Variants in ERAP2 observed in about 807,000 individuals in gnomAD.
ERAP2 encodes the protein leukocyte-derived arginine aminopeptidase.
A neutral mutation model predicts 111.1 loss-of-function variants in ERAP2; 118 were observed. The ratio of observed to expected loss-of-function variants is 1.06; its 90% CI spans 0.92 to 1.24. ERAP2 has a LOEUF of 1.24. Ranked by LOEUF, ERAP2 falls within the 50% of genes most tolerant of loss-of-function variation. The pLI is 0.00. For synonymous variants in ERAP2, 410 were observed against 401.2 expected (o/e 1.02, Z -0.26); for missense variants, 1,131 against 1,125.8 (o/e 1.00, Z -0.07).
chr5:96,892,448 C>CACCAGGTACTTGGCA lies in ERAP2; in HGVS notation c.1121_1125+10dup. The CACCAGGTACTTGGCA allele has an allele frequency of 6.2e-7, 1 of 1,613,816 alleles. No homozygotes were observed. Among genetic ancestry groups the CACCAGGTACTTGGCA allele is most frequent in the Non-Finnish European group, 8.5e-7 (1 of 1,179,828 alleles). ...CAGAGTCATAGCCCATGAACTGGCG[C>CACCAGGTACTTGGCA]ACCAGGTACTTGGCACTCATGACAT... On this transcript the variant is annotated inframe_insertion, in exon 6 of 19. Coordinates refer to ENST00000437043, the MANE Select transcript of ERAP2 (RefSeq NM_022350.5).
At chr5:96,887,101 A>ATATG (rs1491520525) in intron 4 of ERAP2, among the ~76,000 whole-genome samples, 1 of 21,566 alleles carries the variant, frequency 4.6e-5, no homozygotes, top group Non-Finnish European at 9.6e-5. Flanking sequence ...ATATATATAT[A>ATATG]CACACACACA....
At chr5:96,888,956 A>C (rs1433541267) in intron 4 of ERAP2, among the ~76,000 whole-genome samples, 1 of 152,216 alleles carries the variant, frequency 6.6e-6, no homozygotes, top group Non-Finnish European at 1.5e-5. Context: ...ACAGATGAGC[A>C]CTGAGGAAAT....
chr5:96,902,889 G>C (rs891987612), intron 12 of ERAP2: 1 of 154,368 alleles, frequency 6.5e-6, no homozygotes, highest in African/African-American at 2.4e-5. Flanking sequence ...AAAATACATA[G>C]TATAATTTTA....
chr5:96,880,288 T>A, intron 2 of ERAP2, 28 bp downstream of exon 2: 1 of 1,563,172 alleles, frequency 6.4e-7, no homozygotes, highest in East Asian at 2.3e-5. Flanking sequence ...TAATTTACAT[T>A]CTTTTGTGAT....
chr5:96,895,423 T>C, intron 7 of ERAP2, 64 bp downstream of exon 7: 1 of 1,170,074 alleles, frequency 8.5e-7, no homozygotes, highest in South Asian at 1.4e-5. Flanking sequence ...ACTATTAAAA[T>C]TTCAAGTGAA....
intron 4 of ERAP2, among the ~76,000 whole-genome samples, chr5:96,887,075 A>G (rs12653964): frequency 0.54 from 71,484 of 131,726 alleles, 17,831 homozygotes; most frequent in South Asian, 0.61. Context: ...TTTTCAAAGT[A>G]TATATATATA....
chr5:96,880,342 G>A (rs1350088331), intron 2 of ERAP2, 82 bp downstream of exon 2: 4 of 1,260,998 alleles, frequency 3.2e-6, no homozygotes, highest in Non-Finnish European at 4.4e-6. Context: ...GCAGACTTCA[G>A]CAGCCATTTA....
intron 1 of ERAP2, among the ~76,000 whole-genome samples, chr5:96,878,382 G>A (rs2151108782): frequency 7.2e-6 from 1 of 138,146 alleles, no homozygotes; most frequent in African/African-American, 2.7e-5. Flanking sequence ...ATTGAAAGAG[G>A]TGAAGTTCAA....
chr5:96,895,133 G>A, intron 6 of ERAP2, 113 bp from the exon 7 acceptor site: 1 of 625,638 alleles, frequency 1.6e-6, no homozygotes, highest in Non-Finnish European at 2.8e-6. Context: ...GTAGCAAAGA[G>A]AGAAGAGAGA....
intron 5 of ERAP2, among the ~76,000 whole-genome samples, chr5:96,891,924 T>G (rs1467722608): frequency 6.6e-6 from 1 of 152,186 alleles, no homozygotes; most frequent in Non-Finnish European, 1.5e-5. Context: ...ATATTAGAAA[T>G]TATTTGATAC....
chr5:96,885,087 G>A (rs916882585), intron 3 of ERAP2, among the ~76,000 whole-genome samples: 1 of 152,142 alleles, frequency 6.6e-6, no homozygotes, highest in African/African-American at 2.4e-5. Flanking sequence ...GGACTGTATC[G>A]TCTTCATCTG....
chr5:96,903,669 G>T, intron 13 of ERAP2, 109 bp downstream of exon 13: 1 of 1,046,888 alleles, frequency 9.6e-7, no homozygotes, highest in Non-Finnish European at 1.4e-6. Flanking sequence ...ATATGGATTT[G>T]AATGGAATTC....
chr5:96,902,453 G>T, intron 12 of ERAP2, 100 bp downstream of exon 12: 1 of 686,792 alleles, frequency 1.5e-6, no homozygotes, highest in Non-Finnish European at 2.5e-6. Flanking sequence ...AACAATAAAA[G>T]ATTTATATTT....
chr5:96,909,210 T>TA, intron 14 of ERAP2, 93 bp downstream of exon 14: 6 of 1,272,910 alleles, frequency 4.7e-6, no homozygotes, highest in Admixed American at 1.9e-5. Context: ...TCCTTGAGGT[T>TA]AAATCTGGAG....
chr5:96,896,188 G>C (rs879568436), intron 7 of ERAP2, among the ~76,000 whole-genome samples, 185 bp from the exon 8 acceptor site: 5 of 151,924 alleles, frequency 3.3e-5, no homozygotes, highest in Non-Finnish European at 5.9e-5. Context: ...TTTTAAAGTA[G>C]AGAAACTTTA....
At position 96,909,111 on chromosome 5, in the gene ERAP2, C is replaced by T. The variant is rs535164095; in HGVS notation, c.2163C>T (p.Asn721=). The change falls in exon 14 of 19, where the codon AAC becomes AAT. Residue 721 remains asparagine (N), a synonymous_variant. Coordinates refer to ENST00000437043, the MANE Select transcript of ERAP2 (RefSeq NM_022350.5). The stretch of plus-strand genomic sequence containing the variant: ...GGAATATTTCAGATATCTCTGAAAA[C>T]CTCAAGGTTTGTGTTGCTTTTAGAA... ...DRRNISDISE[N]LKRYLLQYFK... is the part of the protein sequence containing the mutation. 30 of 1,613,894 alleles carry T rather than the reference C, an allele frequency of 1.9e-5. 1 individual carries two copies. In the South Asian group the frequency reaches 2.7e-4, roughly 15 times the overall value.
Position 96,907,895 on chromosome 5 carries a change from AT to A in ERAP2, c.2013-1065del, listed in dbSNP as rs888573126. ...CAAAACTCTGTCTCAAAAAAAAAAAATATATATATATGGCAGACCACAGAAT... is the reference window on the plus strand; with the variant it reads ...CAAAACTCTGTCTCAAAAAAAAAAAAATATATATATGGCAGACCACAGAAT... On this transcript the variant is annotated intron_variant, in intron 13 of 18. Transcript: ENST00000437043. Among the ~76,000 whole-genome samples the A allele has an allele frequency of 1.3e-3, 178 of 139,078 alleles. 1 individual carries two copies. The South Asian group carries it at 0.036, about 28-fold the overall frequency. 91.2% of individuals were successfully genotyped at this position (139,078 alleles called of 152,430 possible). A position where few individuals can be genotyped will look rare whatever the true frequency, so the allele number is the denominator to read the frequency against.
At position 96,889,317 on chromosome 5, in the gene ERAP2, T is replaced by C. The variant is rs779150055; in HGVS notation, c.970+12T>C. 3.1e-6 allele frequency: 5 copies of C among 1,613,866 alleles called. No homozygotes were observed. The highest frequency in any genetic ancestry group is 3.4e-6 in the Non-Finnish European group (4 of 1,179,780). ...ACTCTCCAAACTGGGTATGTTCAAA[T>C]TCCACATTATTGTCTTCATTTTTGC... On this transcript the variant is annotated intron_variant, in intron 5 of 18. Coordinates refer to ENST00000437043, the MANE Select transcript of ERAP2 (RefSeq NM_022350.5).
intron 2 of ERAP2, chr5:96,881,040 T>C (rs1347069856): frequency 5.7e-6 from 1 of 173,972 alleles, no homozygotes; most frequent in Non-Finnish European, 1.3e-5. Flanking sequence ...GGGCAAGTGC[T>C]CTAAAGTGGG....
Sources: gnomAD v4.1 joint callset for allele counts (sites outside exome capture counted in the v4.1 genomes callset) on GRCh38, gnomAD v4.1.1 for gene constraint, MANE v1.5 for transcripts, NCBI Gene and HGNC (gene_info 2026-07-23, HGNC 2026-07-21) for gene names.